The following ALG13 variants were observed in gnomAD, a reference collection of about 807,000 sequenced individuals.
The protein encoded by ALG13 is ALG13 UDP-N-acetylglucosaminyltransferase subunit.
A neutral mutation model predicts 87.8 loss-of-function variants in ALG13; 11 were observed. That is an observed-to-expected ratio of 0.13 (90% CI 0.08 to 0.21). The LOEUF (loss-of-function observed/expected upper bound fraction) is 0.21. Among genes scored for constraint, ALG13 ranks in the 10% least tolerant of loss-of-function variants. ALG13 has a pLI of 1.00. For synonymous variants in ALG13, 320 were observed against 306.3 expected (o/e 1.04, Z -0.47); for missense variants, 756 against 866.1 (o/e 0.87, Z 1.60).
rs915629293 is a variant in ALG13, at chrX:111,708,970, T to C, written c.756T>C (p.Phe252=). The C allele has an allele frequency of 5.1e-6, 6 of 1,178,655 alleles. No homozygotes were observed. The South Asian group carries it at 1.1e-4, about 22-fold the overall frequency. ...GGTCTTTCTCTTCTTTTTAGTTGTT[T>C]TGCAGCCAGGTCCATCATTTGGAAA... is the stretch of plus-strand genomic sequence containing the variant. ...CLFRAISEQL[F]CSQVHHLEIR... Residue 252 remains phenylalanine (F), a synonymous_variant, in exon 5 of 27, where the codon TTT becomes TTC. Transcript: ENST00000394780.
intron 3 of ALG13, 34 bp downstream of exon 3, chrX:111,685,137 C>G (rs1934606128): frequency 8.4e-7 from 1 of 1,184,941 alleles, no homozygotes; most frequent in Admixed American, 2.4e-5. Flanking sequence ...TATCTCTTGC[C>G]TTAATTCGTC....
intron 26 of ALG13, among the ~76,000 whole-genome samples, chrX:111,758,799 G>A (rs1253438956): frequency 2.7e-5 from 3 of 111,805 alleles, no homozygotes; most frequent in African/African-American, 9.8e-5. Context: ...GAAAGGCTAG[G>A]TATTAAAATA....
At chrX:111,733,469 T>C (rs1379080071) in intron 21 of ALG13, among the ~76,000 whole-genome samples, 1 of 112,063 alleles carries the variant, frequency 8.9e-6, no homozygotes, top group Admixed American at 9.5e-5. Context: ...CATTATTTTG[T>C]TTCTTTGTAT....
At chrX:111,718,703 T>G (rs2148118294) in intron 10 of ALG13, among the ~76,000 whole-genome samples, 1 of 111,951 alleles carries the variant, frequency 8.9e-6, no homozygotes, top group Non-Finnish European at 1.9e-5. Flanking sequence ...ATACTGATTC[T>G]AAAGTAGCAC....
chrX:111,715,058 C>T (rs1402608710), intron 8 of ALG13, among the ~76,000 whole-genome samples: 3 of 112,009 alleles, frequency 2.7e-5, no homozygotes, highest in South Asian at 3.7e-4. Flanking sequence ...CATGTACCCA[C>T]CACTTAGTTC....
chrX:111,694,283 G>T (rs2046594296), intron 3 of ALG13, among the ~76,000 whole-genome samples: 1 of 110,496 alleles, frequency 9.1e-6, no homozygotes, highest in Admixed American at 9.6e-5. Flanking sequence ...CTGACCTCGT[G>T]ATCCACCCGC....
At chrX:111,683,203 A>G (rs1933952400) in intron 2 of ALG13, among the ~76,000 whole-genome samples, 1 of 111,050 alleles carries the variant, frequency 9.0e-6, no homozygotes, top group South Asian at 3.8e-4. Context: ...CATTTTACAC[A>G]TGAGGAAACT....
intron 23 of ALG13, among the ~76,000 whole-genome samples, chrX:111,741,206 T>TTGTCAGGTCAAAGGGC (rs1443692254): frequency 1.8e-5 from 2 of 111,792 alleles, no homozygotes; most frequent in Non-Finnish European, 1.9e-5. Flanking sequence ...TATGGGAAGC[T>TTGTCAGGTCAAAGGGC]TGTCAGGTCA....
At chrX:111,707,241 C>A (rs1164362809) in intron 3 of ALG13, among the ~76,000 whole-genome samples, 1 of 112,271 alleles carries the variant, frequency 8.9e-6, no homozygotes, top group African/African-American at 3.2e-5. Context: ...CTCTACCATA[C>A]CATTTCAAAT....
At chrX:111,700,188 A>G (rs1027117098) in intron 3 of ALG13, among the ~76,000 whole-genome samples, 2 of 110,408 alleles carry the variant, frequency 1.8e-5, no homozygotes, top group African/African-American at 6.6e-5. Flanking sequence ...CTCTTTGGAT[A>G]ATGTAGAAAC....
chrX:111,733,783 AC>A (rs1237171594), intron 21 of ALG13, among the ~76,000 whole-genome samples: 2 of 110,964 alleles, frequency 1.8e-5, no homozygotes, highest in East Asian at 5.7e-4. Flanking sequence ...ACAGTATAAA[AC>A]CGTTCCCTTT....
rs372990620 is a variant in ALG13, at chrX:111,759,806, A to G, written c.3221A>G (p.Tyr1074Cys). The G allele has an allele frequency of 3.0e-4, 361 of 1,208,181 alleles. 1 individual carries two copies. The South Asian group carries it at 5.7e-3, about 19-fold the overall frequency. Reference sequence around the variant, plus strand: ...TATTATCCAGTAATGTCAGATCCCTATGGGCAGCCACCTTTGCCAGGTTTT... The same window carrying G: ...TATTATCCAGTAATGTCAGATCCCTGTGGGCAGCCACCTTTGCCAGGTTTT... ...AVYYPVMSDPYGQPPLPGFDS... is the reference protein window; with the variant it reads ...AVYYPVMSDPCGQPPLPGFDS... Residue 1074 changes from tyrosine (Y) to cysteine (C), a missense_variant, in exon 27 of 27, where the codon TAT (tyrosine) becomes TGT (cysteine). Physicochemically the swap from Tyr to Cys is radical, Grantham distance 194 (BLOSUM62 -2). This residue lies in a region of ALG13 where 110 missense variants were observed against 104.9 expected (regional missense o/e 1.05). Transcript: ENST00000394780.
chrX:111,690,254 A>C (rs1935894455), intron 3 of ALG13: 1 of 753,986 alleles, frequency 1.3e-6, no homozygotes, highest in African/African-American at 2.3e-5. Flanking sequence ...GAGTAAGTGG[A>C]ATGCAGTTTA....
intron 3 of ALG13, chrX:111,685,994 A>G: frequency 2.9e-6 from 1 of 348,340 alleles, no homozygotes; most frequent in Non-Finnish European, 4.6e-6. Context: ...GATTTTATTC[A>G]TGTTTATTGA....
intron 3 of ALG13, chrX:111,689,640 T>C (rs1935783667): frequency 1.4e-6 from 1 of 740,282 alleles, no homozygotes; most frequent in Admixed American, 8.6e-5. Context: ...CATTTTGATT[T>C]GGCACGGATT....
In ALG13 at chrX:111,704,793, T is replaced by C. The variant is rs368030848; in HGVS notation, c.384-3234T>C. On this transcript the variant is annotated intron_variant, in intron 3 of 26. Transcript: ENST00000394780. ...ATGCACAACTCTATACAACAAACCA[T>C]TGAATTGTATACTTTAAGTGGGTGA... Among the ~76,000 whole-genome samples the C allele has an allele frequency of 1.1e-4, 12 of 111,885 alleles. No homozygotes were observed. In the East Asian group the frequency reaches 2.8e-3, roughly 26 times the overall value.
Position 111,699,790 on chromosome X carries a change from T to C in ALG13, c.384-8237T>C, listed in dbSNP as rs907505023. Among the ~76,000 whole-genome samples, 11 of 111,847 alleles carry C rather than the reference T, an allele frequency of 9.8e-5. No individual in the cohort carries two copies. In the Admixed American group the frequency reaches 1.0e-3, roughly 11 times the overall value. ...TGCTGTTTTGATTATGCTCACTTTATATATGATTTGAAGTTAGGGAGTGAG... is the reference window on the plus strand; with the variant it reads ...TGCTGTTTTGATTATGCTCACTTTACATATGATTTGAAGTTAGGGAGTGAG... On this transcript the variant is annotated intron_variant, in intron 3 of 26. Coordinates refer to ENST00000394780, the MANE Select transcript of ALG13 (RefSeq NM_001099922.3).
intron 3 of ALG13, chrX:111,689,161 A>C: frequency 2.8e-6 from 2 of 715,731 alleles, no homozygotes; most frequent in Non-Finnish European, 3.3e-6. Context: ...GGAGGAAGCC[A>C]ACTTGGATTA....
chrX:111,687,940 C>T (rs866780677), intron 3 of ALG13: 1 of 1,177,336 alleles, frequency 8.5e-7, no homozygotes, highest in South Asian at 2.0e-5. Context: ...AAATGTTATC[C>T]TCCTGGCCAG....
Sources: allele counts gnomAD v4.1 joint callset (sites outside exome capture counted in the v4.1 genomes callset), GRCh38; gene constraint gnomAD v4.1.1; regional missense constraint gnomAD v4.1.1; transcripts MANE v1.5; gene names NCBI Gene and HGNC (gene_info 2026-07-23, HGNC 2026-07-21).